Variants in PRKG1 observed in about 807,000 individuals in gnomAD.
The protein encoded by PRKG1 is protein kinase cGMP-dependent 1, also known as cGMP-dependent protein kinase 1.
In PRKG1, 35 loss-of-function variants were observed where a neutral mutation model predicts 88.1. The ratio of observed to expected loss-of-function variants is 0.40; its 90% CI spans 0.30 to 0.53. The LOEUF (loss-of-function observed/expected upper bound fraction) is 0.53. PRKG1 is among the 20% of genes least tolerant of loss of function. PRKG1 has a pLI of 0.59. For missense variants in PRKG1, 540 were observed against 839.8 expected, an observed-to-expected ratio of 0.64 and a Z score of 4.41; for synonymous variants, 303 against 292.5, an observed-to-expected ratio of 1.04 and a Z score of -0.37.
At chr10:51,910,240 G>C (rs200534913) in intron 5 of PRKG1, 1 of 62,576 alleles carries the variant, frequency 1.6e-5, no homozygotes, top group Non-Finnish European at 3.1e-5. Flanking sequence ...AGTCACATAG[G>C]TAAATCCAGT....
At chr10:51,102,434 GT>G (rs1010836252) in intron 1 of PRKG1, among the ~76,000 whole-genome samples, 21 of 151,506 alleles carry the variant, frequency 1.4e-4, no homozygotes, top group Non-Finnish European at 2.4e-4. Context: ...GGTCTCTGGA[GT>G]TGGAAAAAAA....
intron 5 of PRKG1, among the ~76,000 whole-genome samples, chr10:52,039,872 T>C (rs1293600335): frequency 1.3e-5 from 2 of 152,226 alleles, no homozygotes; most frequent in African/African-American, 2.4e-5. Flanking sequence ...AGTGCACTGC[T>C]TCTGAGGAGT....
chr10:51,617,659 A>G (rs1263859664), intron 3 of PRKG1, among the ~76,000 whole-genome samples: 2 of 152,232 alleles, frequency 1.3e-5, no homozygotes, highest in African/African-American at 2.4e-5. Context: ...GCTATACCAT[A>G]TAGCCTCAAA....
intron 2 of PRKG1, among the ~76,000 whole-genome samples, chr10:51,328,183 T>C (rs189156981): frequency 2.8e-4 from 42 of 152,184 alleles, no homozygotes; most frequent in African/African-American, 1.0e-3. Context: ...TTTACTTTTG[T>C]GAGATAAGTT....
At chr10:52,060,581 A>G (rs1846213575) in intron 6 of PRKG1, among the ~76,000 whole-genome samples, 1 of 151,836 alleles carries the variant, frequency 6.6e-6, no homozygotes, top group Non-Finnish European at 1.5e-5. Context: ...AAAATCTCCC[A>G]CATCTATTAA....
intron 9 of PRKG1, among the ~76,000 whole-genome samples, chr10:52,244,697 TA>T (rs956762936): frequency 4.2e-4 from 60 of 141,672 alleles, no homozygotes; most frequent in Admixed American, 9.7e-4. Flanking sequence ...AATAATATAT[TA>T]ATAATTAATA....
chr10:51,521,060 G>C (rs976312487), intron 3 of PRKG1, among the ~76,000 whole-genome samples: 2 of 152,228 alleles, frequency 1.3e-5, no homozygotes, highest in African/African-American at 2.4e-5. Flanking sequence ...AGGCCAAGGC[G>C]GGTGGATCAC....
In PRKG1 at chr10:52,240,572, T is replaced by C. The variant is rs532528689; in HGVS notation, c.1077-10998T>C. 6.6e-5 allele frequency among the ~76,000 whole-genome samples: 10 copies of C among 152,296 alleles called. No individual in the cohort carries two copies. In the East Asian group the frequency reaches 9.6e-4, roughly 15 times the overall value. ...TTTATTGATACACCATTCAGTTTTT[T>C]GGCAGCATCATAGAACAATGCCAAA... On this transcript the variant is annotated intron_variant, in intron 9 of 17. Transcript: ENST00000373980.
At chr10:51,685,422 C>T (rs1229001581) in intron 3 of PRKG1, among the ~76,000 whole-genome samples, 1 of 152,138 alleles carries the variant, frequency 6.6e-6, no homozygotes, top group Non-Finnish European at 1.5e-5. Context: ...ACATAGAACT[C>T]ATAAGTGGCA....
At chr10:51,960,929 C>T (rs1408723154) in intron 5 of PRKG1, among the ~76,000 whole-genome samples, 1 of 152,054 alleles carries the variant, frequency 6.6e-6, no homozygotes, top group African/African-American at 2.4e-5. Flanking sequence ...GCTACTCAGG[C>T]GTGATTGTTG....
intron 5 of PRKG1, among the ~76,000 whole-genome samples, chr10:52,044,069 G>C (rs568953351): frequency 6.6e-6 from 1 of 152,138 alleles, no homozygotes; most frequent in South Asian, 2.1e-4. Context: ...TGTTCAAGAG[G>C]CTTAAAAGAT....
chr10:52,204,647 G>T (rs1839767928), intron 9 of PRKG1, among the ~76,000 whole-genome samples: 1 of 152,148 alleles, frequency 6.6e-6, no homozygotes, highest in African/African-American at 2.4e-5. Flanking sequence ...GATTTCCTAT[G>T]CCGGTCTTTA....
At chr10:52,072,909 T>A (rs917903296) in intron 7 of PRKG1, among the ~76,000 whole-genome samples, 14 of 152,198 alleles carry the variant, frequency 9.2e-5, no homozygotes, top group African/African-American at 2.9e-4. Context: ...GTATTAAGTT[T>A]CTTAGTGTGG....
intron 7 of PRKG1, among the ~76,000 whole-genome samples, chr10:52,121,971 C>T (rs985304797): frequency 6.6e-6 from 1 of 152,132 alleles, no homozygotes; most frequent in Non-Finnish European, 1.5e-5. Flanking sequence ...TAGCAATAGC[C>T]CAACTCCTTG....
At chr10:51,206,354 G>C (rs897758046) in intron 2 of PRKG1, among the ~76,000 whole-genome samples, 1 of 151,860 alleles carries the variant, frequency 6.6e-6, no homozygotes, top group African/African-American at 2.4e-5. Context: ...TTAGCCAGGC[G>C]TGGGGGTGGG....
chr10:52,285,741 T>G (rs1430249475), intron 14 of PRKG1, among the ~76,000 whole-genome samples: 5 of 152,028 alleles, frequency 3.3e-5, no homozygotes, highest in Admixed American at 3.3e-4. Flanking sequence ...AAGTAACCTC[T>G]AAGATATTTG....
chr10:51,948,925 T>C (rs1182506601), intron 5 of PRKG1, among the ~76,000 whole-genome samples: 2 of 152,212 alleles, frequency 1.3e-5, no homozygotes, highest in African/African-American at 2.4e-5. Context: ...ACCAGAATAA[T>C]ATGAACTATT....
chr10:52,108,219 C>G (rs865801112), intron 7 of PRKG1, among the ~76,000 whole-genome samples: 2 of 152,340 alleles, frequency 1.3e-5, no homozygotes, highest in African/African-American at 2.4e-5. Flanking sequence ...ATCCTTCTCT[C>G]TTTAAATTCT....
intron 2 of PRKG1, among the ~76,000 whole-genome samples, chr10:51,213,232 C>T (rs926622199): frequency 2.2e-4 from 33 of 151,944 alleles, no homozygotes; most frequent in African/African-American, 7.5e-4. Flanking sequence ...AACCAAACAC[C>T]GCATGTTTTC....
Sources: gnomAD v4.1 joint callset for allele counts (sites outside exome capture counted in the v4.1 genomes callset) on GRCh38, gnomAD v4.1.1 for gene constraint, MANE v1.5 for transcripts, NCBI Gene and HGNC (gene_info 2026-07-23, HGNC 2026-07-21) for gene names.